Variants in ZNF536 observed in about 807,000 individuals in gnomAD.
ZNF536 encodes the protein zinc finger protein 536.
In ZNF536, 13 loss-of-function variants were observed where a neutral mutation model predicts 84.5. That is an observed-to-expected ratio of 0.15 (90% confidence interval 0.10 to 0.24). ZNF536 has a LOEUF of 0.24. ZNF536 is among the 10% of genes least tolerant of loss of function. The probability of loss-of-function intolerance (pLI) is 1.00; values close to 1 mark genes in which losing one functional copy is unlikely to be tolerated. For synonymous variants in ZNF536, 811 were observed against 742.5 expected (o/e 1.09, Z -1.50); for missense variants, 1,536 against 1,747.5 (o/e 0.88, Z 2.16).
rs749878487 is a variant in ZNF536, at chr19:30,465,602, C to T, written c.2170+19870C>T. Among the ~76,000 whole-genome samples the T allele has an allele frequency of 1.2e-4, 18 of 152,234 alleles. No homozygotes were observed. In the South Asian group the frequency reaches 2.7e-3, roughly 23 times the overall value. On this transcript the variant is annotated intron_variant, in intron 2 of 4. Transcript: ENST00000355537. ...TTTTTAAAATGTGTGGTAAAATACA[C>T]GTAACAGGTTGGGTGTGGTGGCTTA...
chr19:30,704,076 A>C lies in ZNF536; in HGVS notation c.170-6681A>C, dbSNP rs1325518854. Among the ~76,000 whole-genome samples the C allele has an allele frequency of 3.3e-5, 5 of 152,278 alleles. No individual in the cohort carries two copies. The East Asian group carries it at 9.7e-4, about 29-fold the overall frequency. On this transcript the variant is annotated intron_variant, in intron 1 of 1. Coordinates refer to the ZNF536 transcript ENST00000592773. ...GCTCTGGGTCTTCCTATTTGACCAA[A>C]GGCCATCCTGGAGTGTGGTGCTTCT...
At chr19:30,711,586 C>A (rs2052455000) in exon 2 of ZNF536, 1 of 152,204 alleles carries the variant, frequency 6.6e-6, no homozygotes, top group African/African-American at 2.4e-5. Context: ...CCGCAGCCAG[C>A]GCCGGGGCTG....
chr19:30,351,356 G>T (rs1169092852), intron 2 of ZNF536, among the ~76,000 whole-genome samples: 2 of 152,136 alleles, frequency 1.3e-5, no homozygotes, highest in African/African-American at 4.8e-5. Flanking sequence ...GCACTTTTTG[G>T]ACAATATCTA....
At position 30,290,390 on chromosome 19, in the gene ZNF536, G is replaced by A. The variant is rs372334661; in HGVS notation, c.-120+6249G>A. ...ACTCCTGGGCTGAAGTGATTTTCCTGCCTCAGCCTTCTGAGTAACTGGGAC... is the reference window on the plus strand; with the variant it reads ...ACTCCTGGGCTGAAGTGATTTTCCTACCTCAGCCTTCTGAGTAACTGGGAC... On this transcript the variant is annotated intron_variant, in intron 2 of 5. Coordinates refer to the ZNF536 transcript ENST00000585628. Among the ~76,000 whole-genome samples, 4 of 152,138 alleles carry A rather than the reference G, an allele frequency of 2.6e-5. No individual in the cohort carries two copies. In the East Asian group the frequency reaches 5.8e-4, roughly 22 times the overall value.
At chr19:30,697,887 C>T (rs1341388702) in intron 1 of ZNF536, among the ~76,000 whole-genome samples, 1 of 152,240 alleles carries the variant, frequency 6.6e-6, no homozygotes, top group Non-Finnish European at 1.5e-5. Flanking sequence ...GGAAGCATCT[C>T]TTGATGTGGG....
chr19:30,517,156 G>T (rs558245442), intron 2 of ZNF536, among the ~76,000 whole-genome samples: 1 of 152,288 alleles, frequency 6.6e-6, no homozygotes, highest in South Asian at 2.1e-4. Flanking sequence ...TCATAGCGAA[G>T]AATCAAAGGG....
chr19:30,345,091 G>T (rs1364715560), intron 2 of ZNF536, among the ~76,000 whole-genome samples: 1 of 152,220 alleles, frequency 6.6e-6, no homozygotes, highest in Non-Finnish European at 1.5e-5. Flanking sequence ...ACTAATTCAT[G>T]ATCTCCTTTA....
intron 1 of ZNF536, among the ~76,000 whole-genome samples, chr19:30,632,071 T>C (rs1303949374): frequency 6.6e-6 from 1 of 151,656 alleles, no homozygotes; most frequent in African/African-American, 2.4e-5. Context: ...CTGGTGGGGG[T>C]TCAAGGTAAA....
At chr19:30,235,099 A>G (rs540541572) in intron 1 of ZNF536, among the ~76,000 whole-genome samples, 3 of 152,318 alleles carry the variant, frequency 2.0e-5, no homozygotes, top group South Asian at 2.1e-4. Flanking sequence ...AGTGGCCACT[A>G]TTGGGTGGTG....
intron 2 of ZNF536, among the ~76,000 whole-genome samples, chr19:30,483,470 GACCCCACCCC>G (rs918939069): frequency 2.6e-5 from 4 of 151,084 alleles, no homozygotes; most frequent in East Asian, 2.0e-4. Context: ...GGGGTGAACA[GACCCCACCCC>G]ACCCCACCCC....
At chr19:30,253,129 G>A (rs966118003) in intron 1 of ZNF536, among the ~76,000 whole-genome samples, 14 of 152,166 alleles carry the variant, frequency 9.2e-5, no homozygotes, top group Admixed American at 3.9e-4. Context: ...CAGATTATCA[G>A]CCTCCTAACC....
chr19:30,296,083 C>T (rs922528595), intron 2 of ZNF536: 1 of 152,192 alleles, frequency 6.6e-6, no homozygotes, highest in African/African-American at 2.4e-5. Context: ...GCACCGTGCT[C>T]ATTTATATGC....
intron 1 of ZNF536, chr19:30,436,440 C>T: frequency 2.1e-6 from 2 of 966,450 alleles, no homozygotes; most frequent in East Asian, 1.2e-4. Flanking sequence ...TGTTTGGATG[C>T]CCAAATGTCA....
intron 2 of ZNF536, among the ~76,000 whole-genome samples, chr19:30,306,935 A>G (rs2046358783): frequency 6.6e-6 from 1 of 152,242 alleles, no homozygotes; most frequent in South Asian, 2.1e-4. Context: ...AAAATTCAGT[A>G]TGTAAAGAAC....
At chr19:30,327,266 GGGGTTCAGACCTCGGGCTCA>G (rs2047070902) in intron 2 of ZNF536, among the ~76,000 whole-genome samples, 1 of 152,114 alleles carries the variant, frequency 6.6e-6, no homozygotes, top group Non-Finnish European at 1.5e-5. Flanking sequence ...CCTCGGGCTT[GGGGTTCAGACCTCGGGCTCA>G]GGGCCCCAGA....
chr19:30,559,845 C>A (rs1375210565), downstream of ZNF536, among the ~76,000 whole-genome samples: 2 of 152,168 alleles, frequency 1.3e-5, no homozygotes, highest in African/African-American at 2.4e-5. Context: ...CTAACGGGAT[C>A]TCCAAGCTGG....
intron 1 of ZNF536, among the ~76,000 whole-genome samples, chr19:30,278,247 T>C (rs2045310380): frequency 6.6e-6 from 1 of 152,132 alleles, no homozygotes; most frequent in African/African-American, 2.4e-5. Context: ...GCCTTTATCA[T>C]AGCTTCCCAG....
chr19:30,323,745 TC>T (rs2046932893), intron 2 of ZNF536, among the ~76,000 whole-genome samples: 1 of 152,146 alleles, frequency 6.6e-6, no homozygotes, highest in Admixed American at 6.5e-5. Flanking sequence ...CATTGCTGGT[TC>T]TTGGAGATTT....
At chr19:30,432,368 TG>T (rs1655045413) in intron 1 of ZNF536, among the ~76,000 whole-genome samples, 1 of 152,086 alleles carries the variant, frequency 6.6e-6, no homozygotes, top group African/African-American at 2.4e-5. Flanking sequence ...GACAGGAGGC[TG>T]GTAACCCACC....
Sources: allele counts gnomAD v4.1 joint callset (sites outside exome capture counted in the v4.1 genomes callset), GRCh38; gene constraint gnomAD v4.1.1; transcripts MANE v1.5; gene names NCBI Gene and HGNC (gene_info 2026-07-23, HGNC 2026-07-21).